Variants in KIF1B observed in about 807,000 individuals in gnomAD.
KIF1B encodes the protein kinesin-like protein KIF1B.
In KIF1B, 76 loss-of-function variants were observed where a neutral mutation model predicts 241.9. The observed-to-expected ratio is 0.31, with a 90% CI of 0.26 to 0.38. The LOEUF (loss-of-function observed/expected upper bound fraction) is 0.38. KIF1B is among the 10% of genes least tolerant of loss of function. The pLI, the probability that KIF1B is intolerant of heterozygous loss-of-function variation, is 1.00. For missense variants in KIF1B, 1,622 were observed against 2,271.4 expected (o/e 0.71, Z 5.81); for synonymous variants, 750 against 796.7 (o/e 0.94, Z 0.99).
chr1:10,236,749 A>G (rs1647056728), intron 2 of KIF1B, among the ~76,000 whole-genome samples: 3 of 151,552 alleles, frequency 2.0e-5, no homozygotes, highest in South Asian at 2.1e-4. Context: ...TAATTTGACT[A>G]ATATGTATGC....
At position 10,347,755 on chromosome 1, in the gene KIF1B, T is replaced by C; in HGVS notation, c.3798-6T>C. 6.2e-7 allele frequency: 1 copy of C among 1,612,460 alleles called. No homozygotes were observed. Among genetic ancestry groups the C allele is most frequent in the African/African-American group, 1.3e-5 (1 of 74,996 alleles). Reference sequence around the variant, plus strand: ...TAGTTTTTTCTTTTGCGTTTCTATTTTTTAGGTATATCCCAGCTGTGGTTG... The same window carrying C: ...TAGTTTTTTCTTTTGCGTTTCTATTCTTTAGGTATATCCCAGCTGTGGTTG... On this transcript the variant is annotated splice_polypyrimidine_tract_variant and splice_region_variant and intron_variant, in intron 35 of 48. Transcript: ENST00000676179.
At chr1:10,292,219 C>G (rs886849649) in intron 17 of KIF1B, 97 bp downstream of exon 17, 1 of 876,792 alleles carries the variant, frequency 1.1e-6, no homozygotes, top group Non-Finnish European at 1.9e-6. Flanking sequence ...TACTCTCCCC[C>G]TTATTATCTT....
At chr1:10,308,633 G>A in intron 22 of KIF1B, 2 of 1,011,238 alleles carry the variant, frequency 2.0e-6, no homozygotes, top group Non-Finnish European at 2.4e-6. Flanking sequence ...AGAGGGAAAA[G>A]GAAAGCAAGG....
At chr1:10,299,085 AG>A (rs1273263097) in intron 22 of KIF1B, 2 of 151,384 alleles carry the variant, frequency 1.3e-5, no homozygotes, top group Non-Finnish European at 2.9e-5. Context: ...AAAAAAAAAA[AG>A]AAACAAAAAC....
At position 10,374,509 on chromosome 1, in the gene KIF1B, TC is replaced by T; in HGVS notation, c.5096+46del. The T allele has an allele frequency of 6.2e-7, 1 of 1,603,702 alleles. No individual in the cohort carries two copies. On this transcript the variant is annotated intron_variant, in intron 46 of 48. Coordinates refer to ENST00000676179, the MANE Select transcript of KIF1B (RefSeq NM_001365951.3). The surrounding 1 kb of genome is among the most constrained non-coding windows in gnomAD (Gnocchi z 4.3). Reference sequence around the variant, plus strand: ...AGGAATGCCAGCTATAAAAAACAAATCCACAGGAAGAAGTGACTGGCCAGCT... The same window carrying T: ...AGGAATGCCAGCTATAAAAAACAAATCACAGGAAGAAGTGACTGGCCAGCT...
At chr1:10,220,401 A>AGAT (rs1258434839) in intron 1 of KIF1B, among the ~76,000 whole-genome samples, 44 of 54,734 alleles carry the variant, frequency 8.0e-4, no homozygotes, top group African/African-American at 1.7e-3. Flanking sequence ...GATAGATGAT[A>AGAT]GATAGATAGA....
At chr1:10,308,073 G>A (rs1199325389) in intron 22 of KIF1B, 2 of 1,059,088 alleles carry the variant, frequency 1.9e-6, no homozygotes, top group Admixed American at 5.4e-5. Flanking sequence ...CTGCATTAAA[G>A]GCTGTTTTAC....
chr1:10,251,759 A>G (rs1187566541), intron 2 of KIF1B, among the ~76,000 whole-genome samples: 1 of 151,746 alleles, frequency 6.6e-6, no homozygotes, highest in African/African-American at 2.4e-5. Context: ...TTTATCATTT[A>G]TTTTTTGGCC....
chr1:10,253,589 A>G (rs6661175), intron 2 of KIF1B, among the ~76,000 whole-genome samples: 2,386 of 152,192 alleles, frequency 0.016, 64 homozygotes, highest in African/African-American at 0.053. Flanking sequence ...TCTGTAGTGA[A>G]TTGTGGTTGT....
chr1:10,306,188 G>T (rs1650820599), intron 22 of KIF1B: 1 of 1,039,792 alleles, frequency 9.6e-7, no homozygotes, highest in Non-Finnish European at 1.2e-6. Flanking sequence ...AGCTTTGAGA[G>T]ATATTTTTGC....
intron 22 of KIF1B, among the ~76,000 whole-genome samples, 197 bp from the exon 23 acceptor site, chr1:10,319,846 T>TG (rs1217414031): frequency 2.0e-5 from 3 of 152,198 alleles, no homozygotes; most frequent in Non-Finnish European, 2.9e-5. Context: ...CATTTACCCA[T>TG]TACAGACCAT....
intron 1 of KIF1B, among the ~76,000 whole-genome samples, chr1:10,219,622 G>A (rs745927027): frequency 6.6e-6 from 1 of 151,642 alleles, no homozygotes; most frequent in Non-Finnish European, 1.5e-5. Flanking sequence ...GCTGAGTGTG[G>A]TGGTGCATGC....
chr1:10,274,092 AC>A (rs1355926933), intron 10 of KIF1B, among the ~76,000 whole-genome samples: 1 of 151,270 alleles, frequency 6.6e-6, no homozygotes, highest in African/African-American at 2.4e-5. Flanking sequence ...GCCCGCCACC[AC>A]CCCCGGCTAA....
At chr1:10,333,960 G>T (rs1652060762) in intron 27 of KIF1B, among the ~76,000 whole-genome samples, 1 of 151,824 alleles carries the variant, frequency 6.6e-6, no homozygotes, top group African/African-American at 2.4e-5. Flanking sequence ...AGACCAGCCT[G>T]GCCAACATGG....
intron 2 of KIF1B, among the ~76,000 whole-genome samples, chr1:10,247,471 T>C (rs1647240694): frequency 6.6e-6 from 1 of 152,260 alleles, no homozygotes; most frequent in Non-Finnish European, 1.5e-5. Flanking sequence ...TGTCTCATGC[T>C]GTCATTAGAA....
chr1:10,296,848 A>G (rs370183798), intron 20 of KIF1B, 49 bp from the exon 21 acceptor site: 36 of 1,523,078 alleles, frequency 2.4e-5, no homozygotes, highest in Non-Finnish European at 2.9e-5. Flanking sequence ...AATAGATACT[A>G]TATATTAAAA....
rs190343256 is a variant in KIF1B, at chr1:10,271,413, A to T, written c.721-89A>T. 9 of 942,204 alleles carry T rather than the reference A, an allele frequency of 9.6e-6. No homozygotes were observed. In the Admixed American group the frequency reaches 1.5e-4, roughly 16 times the overall value. The allele number at this position is 942,204 out of a possible 1,614,324, so 58.4% of individuals were successfully genotyped here. ...ATACTTTTAGTTTTTTCCATACCTT[A>T]ATCTTTTAAAAAGCATTCTGCCTCT... On this transcript the variant is annotated intron_variant, in intron 7 of 48. Coordinates refer to ENST00000676179, the MANE Select transcript of KIF1B (RefSeq NM_001365951.3).
chr1:10,296,650 G>A lies in KIF1B; in HGVS notation c.1846G>A (p.Val616Ile), dbSNP rs779060799. 1.2e-6 allele frequency: 2 copies of A among 1,613,936 alleles called. No individual in the cohort carries two copies. The highest frequency in any genetic ancestry group is 1.7e-6 in the Non-Finnish European group (2 of 1,179,886). The change falls in exon 20 of 49, where the codon GTT (valine) becomes ATT (isoleucine). Residue 616 changes from valine (V) to isoleucine (I), a missense_variant. Val to Ile is a conservative substitution (Grantham distance 29, BLOSUM62 3). Around this residue, in one of 7 missense-constraint regions of KIF1B, gnomAD observed 803 missense variants for 1,112.0 expected, o/e 0.72. Coordinates refer to ENST00000676179, the MANE Select transcript of KIF1B (RefSeq NM_001365951.3). ...AAATGGCAAGAGGGTGTCCCAGCCT[G>A]TTCAGCTGCGCTCAGGTGAGACTGG... is the stretch of plus-strand genomic sequence containing the variant. ...YVNGKRVSQP[V>I]QLRSGNRIIM...
chr1:10,231,378 C>CTTTTTTTTTTTTT (rs35213507), intron 1 of KIF1B, among the ~76,000 whole-genome samples: 3 of 85,714 alleles, frequency 3.5e-5, no homozygotes, highest in African/African-American at 9.9e-5. Context: ...GTTCAGTGCC[C>CTTTTTTTTTTTTT]TTTTTTTTTT....
Sources: gnomAD v4.1 joint callset for allele counts (sites outside exome capture counted in the v4.1 genomes callset) on GRCh38, gnomAD v4.1.1 for gene constraint, gnomAD v4.1.1 regional missense constraint, Gnocchi (gnomAD v3.1) non-coding constraint, MANE v1.5 for transcripts, NCBI Gene and HGNC (gene_info 2026-07-23, HGNC 2026-07-21) for gene names.